The following USH2A variants were observed in gnomAD, a reference collection of about 807,000 sequenced individuals.
USH2A encodes usherin, also known as Usher syndrome 2A (autosomal recessive, mild).
USH2A carries 443 observed loss-of-function variants against 538.9 expected under a neutral mutation model. The ratio of observed to expected loss-of-function variants is 0.82; its 90% CI spans 0.76 to 0.89. The LOEUF (loss-of-function observed/expected upper bound fraction) is 0.89, where lower values mean the gene tolerates loss of function less well. Among genes scored for constraint, USH2A ranks in the 40% least tolerant of loss-of-function variants. The pLI is 0.00. For missense variants in USH2A, 6,633 were observed against 6,324.8 expected, an observed-to-expected ratio of 1.05 and a Z score of -1.65; for synonymous variants, 2,413 against 2,273.5, an observed-to-expected ratio of 1.06 and a Z score of -1.75.
intron 67 of USH2A, among the ~76,000 whole-genome samples, chr1:215,642,918 T>C (rs1656734574): frequency 6.6e-6 from 1 of 152,206 alleles, no homozygotes; most frequent in Non-Finnish European, 1.5e-5. Flanking sequence ...AAATGTGTTG[T>C]TAGGCTTCTT....
chr1:216,078,447 G>T, intron 26 of USH2A, 85 bp from the exon 27 acceptor site: 1 of 1,330,332 alleles, frequency 7.5e-7, no homozygotes, highest in South Asian at 1.2e-5. Context: ...TCAATTTCTT[G>T]AAGAAAAGCA....
chr1:216,174,909 T>C lies in USH2A; in HGVS notation c.4627+343A>G, dbSNP rs2034344204. The C allele has an allele frequency of 8.9e-7, 1 of 1,125,042 alleles. No individual in the cohort carries two copies. The highest frequency in any genetic ancestry group is 1.1e-6 in the Non-Finnish European group (1 of 911,016). The allele number at this position is 1,125,042 out of a possible 1,614,324, so 69.7% of individuals were successfully genotyped here. ...AGAATCTCCAATAGCATGAGGGCATTTTGCAAACTCATTTGCTCAGAGAAC... is the reference window on the plus strand; with the variant it reads ...AGAATCTCCAATAGCATGAGGGCATCTTGCAAACTCATTTGCTCAGAGAAC... On this transcript the variant is annotated intron_variant, in intron 21 of 71. Coordinates refer to ENST00000307340, the MANE Select transcript of USH2A (RefSeq NM_206933.4).
At chr1:215,640,220 A>G (rs1656629739) in intron 68 of USH2A, among the ~76,000 whole-genome samples, 1 of 152,144 alleles carries the variant, frequency 6.6e-6, no homozygotes, top group Admixed American at 6.5e-5. Context: ...AGTTGCTAGA[A>G]GTGTATTATT....
At chr1:215,857,176 C>T (rs950653557) in intron 44 of USH2A, among the ~76,000 whole-genome samples, 8 of 151,962 alleles carry the variant, frequency 5.3e-5, no homozygotes, top group South Asian at 2.1e-4. Flanking sequence ...AGAACTTATT[C>T]GTGTACAAAT....
chr1:216,396,664 G>A (rs1475630601), intron 3 of USH2A, among the ~76,000 whole-genome samples: 1 of 152,030 alleles, frequency 6.6e-6, no homozygotes, highest in Non-Finnish European at 1.5e-5. Context: ...CATAAGATCT[G>A]CAAAGAATTA....
chr1:216,403,567 A>G (rs1411355732), intron 3 of USH2A, among the ~76,000 whole-genome samples: 1 of 152,224 alleles, frequency 6.6e-6, no homozygotes, highest in Non-Finnish European at 1.5e-5. Context: ...ATGTGAGTTC[A>G]GCAAAGTTTT....
At chr1:215,743,570 T>C (rs1237255063) in intron 58 of USH2A, among the ~76,000 whole-genome samples, 1 of 151,560 alleles carries the variant, frequency 6.6e-6, no homozygotes, top group Non-Finnish European at 1.5e-5. Flanking sequence ...GGCTCATGCC[T>C]GTAATCCCAG....
chr1:216,000,339 CT>C, intron 33 of USH2A, 63 bp downstream of exon 33: 2 of 1,602,872 alleles, frequency 1.2e-6, no homozygotes, highest in Non-Finnish European at 1.7e-6. Flanking sequence ...AGCTCCTCCC[CT>C]GATTGAACTC....
At chr1:216,018,176 T>A (rs901695183) in intron 32 of USH2A, among the ~76,000 whole-genome samples, 4 of 152,202 alleles carry the variant, frequency 2.6e-5, no homozygotes, top group Non-Finnish European at 4.4e-5. Flanking sequence ...AAGTAGAATT[T>A]CCCAGTCAAA....
intron 4 of USH2A, among the ~76,000 whole-genome samples, chr1:216,363,009 A>G (rs1485292282): frequency 6.6e-6 from 1 of 151,554 alleles, no homozygotes; most frequent in Non-Finnish European, 1.5e-5. Context: ...TTTTTTCAAT[A>G]TATAGCATAT....
chr1:216,094,899 G>T (rs1293144543), intron 22 of USH2A, among the ~76,000 whole-genome samples: 1 of 152,018 alleles, frequency 6.6e-6, no homozygotes, highest in Non-Finnish European at 1.5e-5. Context: ...GGAATATGAA[G>T]AGTATCTACC....
At chr1:215,931,782 C>G (rs1179868236) in intron 38 of USH2A, among the ~76,000 whole-genome samples, 1 of 151,972 alleles carries the variant, frequency 6.6e-6, no homozygotes, top group East Asian at 1.9e-4. Context: ...GAGTAAGAAA[C>G]AGTTCCTACT....
intron 9 of USH2A, among the ~76,000 whole-genome samples, chr1:216,299,334 T>C (rs1263698500): frequency 1.3e-5 from 2 of 151,882 alleles, no homozygotes; most frequent in Non-Finnish European, 2.9e-5. Flanking sequence ...ACAGCTTGAA[T>C]TGAAAATCAA....
At position 216,422,445 on chromosome 1, in the gene USH2A, A is replaced by T; in HGVS notation, c.-109T>A. 1 of 1,516,264 alleles carries T rather than the reference A, an allele frequency of 6.6e-7. No homozygotes were observed. The highest frequency in any genetic ancestry group is 1.2e-5 in the South Asian group (1 of 85,186). The allele number at this position is 1,516,264 out of a possible 1,614,324, so 93.9% of individuals were successfully genotyped here. Reference sequence around the variant, plus strand: ...GCAGGGTACTTTAAGTGATGTTGCGATACTCCATTTTCTGGAAACTGCAGA... The same window carrying T: ...GCAGGGTACTTTAAGTGATGTTGCGTTACTCCATTTTCTGGAAACTGCAGA... On this transcript the variant is annotated 5_prime_UTR_variant, in exon 2 of 72. It introduces an in-frame stop codon into an upstream open reading frame of the 5' UTR. Transcript: ENST00000307340.
intron 11 of USH2A, among the ~76,000 whole-genome samples, chr1:216,263,774 A>G (rs890635421): frequency 6.6e-6 from 1 of 152,148 alleles, no homozygotes; most frequent in Non-Finnish European, 1.5e-5. Context: ...AGCCAGAGCA[A>G]TTAGGCAAGA....
intron 2 of USH2A, among the ~76,000 whole-genome samples, chr1:216,419,639 C>A (rs1367745094): frequency 6.6e-6 from 1 of 152,038 alleles, no homozygotes; most frequent in African/African-American, 2.4e-5. Context: ...TCCATTAGAT[C>A]ATTTAGATCA....
chr1:215,934,177 GA>G (rs1280885974), intron 38 of USH2A, among the ~76,000 whole-genome samples: 1 of 151,994 alleles, frequency 6.6e-6, no homozygotes, highest in African/African-American at 2.4e-5. Flanking sequence ...TTTGCCAAAT[GA>G]AGTACTTTAA....
intron 44 of USH2A, among the ~76,000 whole-genome samples, chr1:215,853,674 A>AT (rs1023774845): frequency 2.0e-5 from 3 of 152,142 alleles, no homozygotes; most frequent in South Asian, 2.1e-4. Flanking sequence ...CTACTTAGAA[A>AT]TTTTTTCTGC....
intron 3 of USH2A, among the ~76,000 whole-genome samples, chr1:216,413,993 C>A (rs2039535706): frequency 6.6e-6 from 1 of 152,060 alleles, no homozygotes; most frequent in Admixed American, 6.6e-5. Context: ...ATACTTATTT[C>A]CATATTGTTT....
Sources: allele counts gnomAD v4.1 joint callset (sites outside exome capture counted in the v4.1 genomes callset), GRCh38; gene constraint gnomAD v4.1.1; transcripts MANE v1.5; gene names NCBI Gene and HGNC (gene_info 2026-07-23, HGNC 2026-07-21).